The following ZNF385D variants were observed in gnomAD, a reference collection of about 807,000 sequenced individuals.
ZNF385D encodes zinc finger protein 659.
In ZNF385D, 15 loss-of-function variants were observed where a neutral mutation model predicts 35.8. The ratio of observed to expected loss-of-function variants is 0.42; its 90% confidence interval spans 0.28 to 0.64. The LOEUF (loss-of-function observed/expected upper bound fraction) is 0.64, where lower values mean the gene tolerates loss of function less well. Among genes scored for constraint, ZNF385D ranks in the 30% least tolerant of loss-of-function variants. ZNF385D has a pLI of 0.23. For synonymous variants in ZNF385D, 212 were observed against 186.8 expected (o/e 1.13, Z -1.10); for missense variants, 474 against 494.6 (o/e 0.96, Z 0.39).
At chr3:21,797,074 T>A (rs565975163) in intron 3 of ZNF385D, among the ~76,000 whole-genome samples, 25 of 152,294 alleles carry the variant, frequency 1.6e-4, no homozygotes, top group South Asian at 1.0e-3. Flanking sequence ...AGTCAAGACG[T>A]ATTTGCAAAA....
At chr3:21,870,712 G>C (rs1697643006) in intron 3 of ZNF385D, among the ~76,000 whole-genome samples, 1 of 152,078 alleles carries the variant, frequency 6.6e-6, no homozygotes, top group Non-Finnish European at 1.5e-5. Context: ...TAGGTAGATA[G>C]GCGTGCGTGT....
At chr3:22,183,909 A>G (rs1434485575) in intron 2 of ZNF385D, among the ~76,000 whole-genome samples, 1 of 151,740 alleles carries the variant, frequency 6.6e-6, no homozygotes, top group Non-Finnish European at 1.5e-5. Flanking sequence ...GCTGTGAAAG[A>G]ACTGTTAATT....
intron 3 of ZNF385D, among the ~76,000 whole-genome samples, chr3:22,009,937 A>G (rs1020774100): frequency 1.9e-5 from 2 of 106,236 alleles, no homozygotes; most frequent in Non-Finnish European, 4.5e-5. Context: ...AAAGAAATGA[A>G]AAATATGAAA....
Position 21,836,272 on chromosome 3 carries a change from G to A in ZNF385D, c.326-171244C>T, listed in dbSNP as rs9838036. 5.6e-3 allele frequency among the ~76,000 whole-genome samples: 857 copies of A among 152,146 alleles called. 4 individuals carry two copies. The highest frequency in any genetic ancestry group is 0.013 in the African/African-American group (551 of 41,530). On this transcript the variant is annotated intron_variant, in intron 3 of 5. Coordinates refer to the ZNF385D transcript ENST00000494108. ...TATGGAGGCGCATTAAATCATTTTC[G>A]TGTCACTTTTTCGATTAAAGTATCA...
chr3:21,742,501 G>A (rs562019761), intron 1 of ZNF385D, among the ~76,000 whole-genome samples: 11 of 152,328 alleles, frequency 7.2e-5, no homozygotes, highest in Admixed American at 3.3e-4. Context: ...AGCTACAGAC[G>A]TAGAGGCTAA....
intron 2 of ZNF385D, among the ~76,000 whole-genome samples, chr3:22,352,294 A>G (rs889416457): frequency 6.6e-6 from 1 of 152,208 alleles, no homozygotes; most frequent in Non-Finnish European, 1.5e-5. Context: ...TAAACTTATG[A>G]ACATGTTCAA....
At chr3:22,103,383 A>G (rs910289163) in intron 3 of ZNF385D, among the ~76,000 whole-genome samples, 3 of 152,104 alleles carry the variant, frequency 2.0e-5, no homozygotes, top group Non-Finnish European at 4.4e-5. Context: ...ATAAAATTAT[A>G]GACCTACAAA....
At chr3:22,333,724 C>A (rs1158771792) in intron 2 of ZNF385D, among the ~76,000 whole-genome samples, 1 of 152,158 alleles carries the variant, frequency 6.6e-6, no homozygotes, top group Non-Finnish European at 1.5e-5. Context: ...GCCACTGCTG[C>A]ACTGAAAGGA....
intron 3 of ZNF385D, among the ~76,000 whole-genome samples, chr3:22,062,050 A>AT (rs1305605122): frequency 2.6e-5 from 4 of 152,062 alleles, no homozygotes; most frequent in African/African-American, 4.8e-5. Context: ...ATTTTAATTT[A>AT]TTTTTGAGGC....
intron 2 of ZNF385D, among the ~76,000 whole-genome samples, chr3:22,202,892 G>A (rs938261381): frequency 3.3e-5 from 5 of 152,112 alleles, no homozygotes; most frequent in African/African-American, 1.2e-4. Flanking sequence ...TGAAACTTGA[G>A]TTTTGGCAAG....
chr3:22,108,157 C>T (rs958270680), intron 3 of ZNF385D, among the ~76,000 whole-genome samples: 1 of 151,972 alleles, frequency 6.6e-6, no homozygotes, highest in Non-Finnish European at 1.5e-5. Context: ...ATAAAGTGAA[C>T]TAAGACACAG....
chr3:22,159,563 T>C (rs1705811466), intron 3 of ZNF385D, among the ~76,000 whole-genome samples: 1 of 152,028 alleles, frequency 6.6e-6, no homozygotes, highest in Admixed American at 6.6e-5. Context: ...TGCCCTTCAA[T>C]GGAATTCATA....
intron 3 of ZNF385D, among the ~76,000 whole-genome samples, chr3:21,965,824 A>T (rs1046153131): frequency 6.6e-6 from 1 of 152,226 alleles, no homozygotes; most frequent in South Asian, 2.1e-4. Context: ...ACAACACTTA[A>T]GTAGCTCAAA....
intron 3 of ZNF385D, among the ~76,000 whole-genome samples, chr3:21,983,132 C>G (rs1481433555): frequency 1.4e-5 from 2 of 147,536 alleles, no homozygotes; most frequent in Non-Finnish European, 3.0e-5. Context: ...AGTCCCTCCT[C>G]CTCAATTTTT....
At chr3:22,137,183 A>C (rs111429008) in intron 3 of ZNF385D, among the ~76,000 whole-genome samples, 1 of 152,232 alleles carries the variant, frequency 6.6e-6, no homozygotes, top group African/African-American at 2.4e-5. Context: ...CAACTACTTA[A>C]GAATAGTTCA....
chr3:21,732,052 TTTTTTTTTTTTTTTTTTGAG>T (rs2069036831), intron 1 of ZNF385D, among the ~76,000 whole-genome samples: 1 of 69,468 alleles, frequency 1.4e-5, no homozygotes, highest in South Asian at 5.3e-4. Flanking sequence ...TTTTTTTTTT[TTTTTTTTTTTTTTTTTTGAG>T]AACGGAGTTT....
chr3:22,042,951 T>G (rs1050649330), intron 3 of ZNF385D, among the ~76,000 whole-genome samples: 7 of 152,164 alleles, frequency 4.6e-5, no homozygotes, highest in Non-Finnish European at 4.4e-5. Flanking sequence ...TTTTCTCAAC[T>G]AGGATCAGTT....
At chr3:21,918,919 A>C (rs1700322633) in intron 3 of ZNF385D, among the ~76,000 whole-genome samples, 1 of 152,178 alleles carries the variant, frequency 6.6e-6, no homozygotes, top group Admixed American at 6.5e-5. Context: ...TATATTTCAA[A>C]TGCTTGCCCT....
chr3:22,265,815 C>T (rs193219242), intron 2 of ZNF385D, among the ~76,000 whole-genome samples: 2 of 152,060 alleles, frequency 1.3e-5, no homozygotes, highest in East Asian at 1.9e-4. Context: ...TCATTTTAGG[C>T]CTGGTGTGGT....
Sources: gnomAD v4.1 joint callset for allele counts (sites outside exome capture counted in the v4.1 genomes callset) on GRCh38, gnomAD v4.1.1 for gene constraint, MANE v1.5 for transcripts, NCBI Gene and HGNC (gene_info 2026-07-23, HGNC 2026-07-21) for gene names.